Variants in EPHB1 observed in about 807,000 individuals in gnomAD.
EPHB1 encodes EPH receptor B1.
A neutral mutation model predicts 94.4 loss-of-function variants in EPHB1; 30 were observed. That is an observed-to-expected ratio of 0.32 (90% CI 0.24 to 0.43). The LOEUF is 0.43. EPHB1 is among the 20% of genes least tolerant of loss of function. The pLI is 1.00. For missense variants in EPHB1, 1,055 were observed against 1,308.3 expected, an observed-to-expected ratio of 0.81 and a Z score of 2.99; for synonymous variants, 522 against 489.1, an observed-to-expected ratio of 1.07 and a Z score of -0.89.
intron 3 of EPHB1, among the ~76,000 whole-genome samples, chr3:135,046,685 G>C (rs1576343056): frequency 6.6e-6 from 1 of 152,204 alleles, no homozygotes; most frequent in Non-Finnish European, 1.5e-5. Context: ...TTCTGGGGGT[G>C]GGGCCGAGCA....
At chr3:135,142,379 C>A (rs1940857031) in intron 5 of EPHB1, among the ~76,000 whole-genome samples, 1 of 152,050 alleles carries the variant, frequency 6.6e-6, no homozygotes, top group Non-Finnish European at 1.5e-5. Context: ...GACAGCAGGC[C>A]CTACAAGAAA....
At chr3:134,989,177 G>A (rs561279155) in intron 3 of EPHB1, among the ~76,000 whole-genome samples, 173 of 152,278 alleles carry the variant, frequency 1.1e-3, no homozygotes, top group African/African-American at 4.0e-3. Flanking sequence ...GATCACAGGT[G>A]ACATAAATCA....
intron 5 of EPHB1, among the ~76,000 whole-genome samples, chr3:135,141,145 C>CTTTT: frequency 7.6e-6 from 1 of 131,302 alleles, no homozygotes; most frequent in Non-Finnish European, 1.6e-5. Context: ...CTTTCCTTTC[C>CTTTT]TTTTTTTTTT....
intron 1 of EPHB1, among the ~76,000 whole-genome samples, chr3:134,880,276 G>T (rs2037705435): frequency 6.6e-6 from 1 of 152,222 alleles, no homozygotes; most frequent in African/African-American, 2.4e-5. Flanking sequence ...TGCCCTGGGA[G>T]ATCTGTGGAA....
chr3:134,929,909 T>A (rs1254164953), intron 2 of EPHB1, among the ~76,000 whole-genome samples: 1 of 152,148 alleles, frequency 6.6e-6, no homozygotes, highest in African/African-American at 2.4e-5. Flanking sequence ...GAGAAGATTT[T>A]GGAGAGAGAG....
chr3:134,876,274 A>T (rs973805087), intron 1 of EPHB1, among the ~76,000 whole-genome samples: 30 of 152,126 alleles, frequency 2.0e-4, no homozygotes, highest in African/African-American at 7.0e-4. Context: ...CTTTACCTGC[A>T]CATCTCCAAG....
intron 6 of EPHB1, among the ~76,000 whole-genome samples, chr3:135,159,992 C>A (rs1382893262): frequency 2.0e-5 from 3 of 152,204 alleles, no homozygotes; most frequent in Non-Finnish European, 1.5e-5. Flanking sequence ...GTCACCCTTT[C>A]CCTCAGTCAC....
chr3:134,887,276 C>T (rs1202483844), intron 1 of EPHB1, among the ~76,000 whole-genome samples: 1 of 152,322 alleles, frequency 6.6e-6, no homozygotes, highest in East Asian at 1.9e-4. Context: ...CACTGGACTT[C>T]TTCATAGCAT....
intron 6 of EPHB1, among the ~76,000 whole-genome samples, chr3:135,157,027 A>G (rs566391266): frequency 1.7e-3 from 266 of 152,362 alleles, no homozygotes; most frequent in Non-Finnish European, 2.8e-3. Context: ...CAGGGGTTTT[A>G]TAAACATTAT....
chr3:134,899,317 G>A (rs1227460155), intron 1 of EPHB1, among the ~76,000 whole-genome samples: 1 of 152,112 alleles, frequency 6.6e-6, no homozygotes, highest in African/African-American at 2.4e-5. Flanking sequence ...GAGTGAGATT[G>A]GTCCTGAGAT....
intron 5 of EPHB1, among the ~76,000 whole-genome samples, chr3:135,142,705 A>C (rs925109089): frequency 7.2e-5 from 11 of 152,152 alleles, no homozygotes; most frequent in African/African-American, 2.7e-4. Flanking sequence ...TGTGCCATGG[A>C]AATTGGCAGG....
chr3:135,081,759 C>A (rs1576368984), intron 3 of EPHB1, among the ~76,000 whole-genome samples: 1 of 152,044 alleles, frequency 6.6e-6, no homozygotes, highest in East Asian at 1.9e-4. Flanking sequence ...GCTGATTTGC[C>A]AGCGGACAAT....
At chr3:135,240,288 A>G (rs1276088143) in intron 12 of EPHB1, among the ~76,000 whole-genome samples, 1 of 152,134 alleles carries the variant, frequency 6.6e-6, no homozygotes, top group African/African-American at 2.4e-5. Flanking sequence ...CCTGGCACAA[A>G]GTGGTGCTTA....
intron 13 of EPHB1, among the ~76,000 whole-genome samples, 154 bp downstream of exon 13, chr3:135,241,451 G>A (rs1196525425): frequency 6.6e-6 from 1 of 152,182 alleles, no homozygotes; most frequent in Non-Finnish European, 1.5e-5. Context: ...TAGCATGGAT[G>A]TTGGAACTAA....
intron 2 of EPHB1, among the ~76,000 whole-genome samples, chr3:134,928,438 T>C (rs947918659): frequency 4.6e-5 from 7 of 152,232 alleles, no homozygotes; most frequent in African/African-American, 1.4e-4. Flanking sequence ...TGGCCAGGAC[T>C]CTATGCATTT....
chr3:135,160,057 C>T (rs1471029717), intron 6 of EPHB1, among the ~76,000 whole-genome samples: 1 of 152,184 alleles, frequency 6.6e-6, no homozygotes, highest in Admixed American at 6.5e-5. Flanking sequence ...CCCCCACAAT[C>T]CCCTGAACTG....
chr3:135,241,114 T>C, intron 12 of EPHB1, 34 bp from the exon 13 acceptor site: 2 of 1,614,018 alleles, frequency 1.2e-6, no homozygotes. Flanking sequence ...AGAAACCTGA[T>C]TGTTGGGCTG....
At chr3:134,853,589 C>G (rs2037039900) in intron 1 of EPHB1, among the ~76,000 whole-genome samples, 1 of 152,302 alleles carries the variant, frequency 6.6e-6, no homozygotes, top group African/African-American at 2.4e-5. Context: ...ATGGCTGAGA[C>G]TTGCAAGTGA....
chr3:135,031,293 C>G (rs1442644438), intron 3 of EPHB1, among the ~76,000 whole-genome samples: 1 of 152,108 alleles, frequency 6.6e-6, no homozygotes, highest in Non-Finnish European at 1.5e-5. Flanking sequence ...TTCCTTCTCT[C>G]TCTCTCTTTC....
Sources: allele counts gnomAD v4.1 joint callset (sites outside exome capture counted in the v4.1 genomes callset), GRCh38; gene constraint gnomAD v4.1.1; transcripts MANE v1.5; gene names NCBI Gene and HGNC (gene_info 2026-07-23, HGNC 2026-07-21).